Variants in CSMD1 observed in about 807,000 individuals in gnomAD.
CSMD1 encodes the protein CUB and Sushi multiple domains 1, also known as CUB and sushi domain-containing protein 1.
A neutral mutation model predicts 417.5 loss-of-function variants in CSMD1; 213 were observed. That is an observed-to-expected ratio of 0.51 (90% CI 0.46 to 0.57). The LOEUF (loss-of-function observed/expected upper bound fraction) is 0.57, where lower values mean the gene tolerates loss of function less well. Among genes scored for constraint, CSMD1 ranks in the 20% least tolerant of loss-of-function variants. The pLI is 0.00. For missense variants in CSMD1, 6,923 were observed against 4,529.7 expected (o/e 1.53, Z -15.17); for synonymous variants, 2,862 against 1,736.8 (o/e 1.65, Z -16.11).
At chr8:4,187,111 T>C (rs770236293) in intron 3 of CSMD1, among the ~76,000 whole-genome samples, 1 of 151,826 alleles carries the variant, frequency 6.6e-6, no homozygotes, top group Non-Finnish European at 1.5e-5. Flanking sequence ...TTCTGAAGAA[T>C]TTCACCAAGT....
At chr8:3,189,100 A>G (rs1232884679) in intron 34 of CSMD1, 89 bp from the exon 35 acceptor site, 2 of 1,263,182 alleles carry the variant, frequency 1.6e-6, no homozygotes, top group Non-Finnish European at 2.2e-6. Flanking sequence ...GTGACCACAC[A>G]GTAAGAGAAA....
chr8:3,379,987 C>G (rs771303631), intron 18 of CSMD1, among the ~76,000 whole-genome samples: 70 of 152,128 alleles, frequency 4.6e-4, no homozygotes, highest in Non-Finnish European at 8.2e-4. Flanking sequence ...ATTTTGCAAT[C>G]TATCCATCTG....
chr8:4,898,845 G>T (rs1466962963), intron 1 of CSMD1, among the ~76,000 whole-genome samples: 2 of 152,124 alleles, frequency 1.3e-5, no homozygotes, highest in East Asian at 1.9e-4. Context: ...GGACAGAAAT[G>T]ACAGTGTGGT....
chr8:4,867,802 A>T (rs923333212), intron 1 of CSMD1, among the ~76,000 whole-genome samples: 5 of 152,118 alleles, frequency 3.3e-5, no homozygotes, highest in Middle Eastern at 3.2e-3. Flanking sequence ...TAATAAATAC[A>T]TTCATTTTAC....
At chr8:3,139,315 G>A (rs893844784) in intron 41 of CSMD1, among the ~76,000 whole-genome samples, 2 of 152,148 alleles carry the variant, frequency 1.3e-5, no homozygotes, top group Non-Finnish European at 1.5e-5. Context: ...CTCCTATATA[G>A]CTAAAGTCAG....
intron 7 of CSMD1, among the ~76,000 whole-genome samples, chr8:3,691,527 G>T (rs1236372674): frequency 1.3e-5 from 2 of 152,154 alleles, no homozygotes; most frequent in African/African-American, 4.8e-5. Flanking sequence ...AGCCAAGGAG[G>T]AAGCTCAGGA....
At chr8:4,202,477 T>C (rs1799716723) in intron 3 of CSMD1, among the ~76,000 whole-genome samples, 1 of 152,222 alleles carries the variant, frequency 6.6e-6, no homozygotes, top group Admixed American at 6.5e-5. Flanking sequence ...TTAACTAAGT[T>C]TTAAACTAGG....
rs191445337 is a variant in CSMD1, at chr8:4,048,738, T to C, written c.416-16639A>G. 2.0e-5 allele frequency among the ~76,000 whole-genome samples: 3 copies of C among 152,330 alleles called. No homozygotes were observed. In the East Asian group the frequency reaches 5.8e-4, roughly 29 times the overall value. On this transcript the variant is annotated intron_variant, in intron 3 of 69. Transcript: ENST00000635120. ...TTATTAATACATACATGTATATCTA[T>C]AGAACTATATAAAATGCAAAGCTGT...
intron 1 of CSMD1, among the ~76,000 whole-genome samples, chr8:4,868,678 A>G (rs1405262829): frequency 1.3e-5 from 2 of 152,098 alleles, no homozygotes; most frequent in Non-Finnish European, 2.9e-5. Context: ...TAAAAACACA[A>G]CTAACAGTAT....
chr8:3,447,557 T>C (rs1394086722), intron 12 of CSMD1, among the ~76,000 whole-genome samples: 1 of 152,192 alleles, frequency 6.6e-6, no homozygotes, highest in Non-Finnish European at 1.5e-5. Flanking sequence ...GAACCACTGT[T>C]CACAGAGGGC....
chr8:4,154,467 G>T (rs1288674515), intron 3 of CSMD1, among the ~76,000 whole-genome samples: 2 of 152,120 alleles, frequency 1.3e-5, no homozygotes, highest in African/African-American at 2.4e-5. Flanking sequence ...GGGTATCTGT[G>T]GAAGGAGAAT....
intron 49 of CSMD1, among the ~76,000 whole-genome samples, chr8:3,080,827 TG>T (rs1814037166): frequency 6.6e-6 from 1 of 152,222 alleles, no homozygotes; most frequent in African/African-American, 2.4e-5. Flanking sequence ...CAGGGCTCCC[TG>T]GCCTTTTGGG....
chr8:4,481,549 T>C (rs1055943025), intron 2 of CSMD1, among the ~76,000 whole-genome samples: 3 of 152,188 alleles, frequency 2.0e-5, no homozygotes, highest in African/African-American at 7.2e-5. Flanking sequence ...TAACCTGTTT[T>C]TATTTGGTGA....
intron 6 of CSMD1, among the ~76,000 whole-genome samples, chr8:3,740,731 T>G (rs1002333624): frequency 6.6e-6 from 1 of 152,150 alleles, no homozygotes; most frequent in East Asian, 1.9e-4. Flanking sequence ...TCTAAAAGAC[T>G]TGGTACCTAG....
chr8:4,669,455 A>C (rs1241783678), intron 1 of CSMD1, among the ~76,000 whole-genome samples: 1 of 152,168 alleles, frequency 6.6e-6, no homozygotes, highest in African/African-American at 2.4e-5. Flanking sequence ...AGGAACAACT[A>C]CTTGGAACTC....
rs528626686 is a variant in CSMD1 at position 4,900,884 on chromosome 8, C to T, written c.85+93448G>A. 1.2e-4 allele frequency among the ~76,000 whole-genome samples: 18 copies of T among 152,284 alleles called. No individual in the cohort carries two copies. The South Asian group carries it at 3.1e-3, about 26-fold the overall frequency. ...ACTTCCTTCAGTCGAGCACAGTCAC[C>T]GTAAGGGCAGGTGCACCACTAGTTA... On this transcript the variant is annotated intron_variant, in intron 1 of 69. Transcript: ENST00000635120.
At chr8:3,509,314 G>C (rs748481492) in intron 10 of CSMD1, among the ~76,000 whole-genome samples, 3 of 152,170 alleles carry the variant, frequency 2.0e-5, no homozygotes, top group Admixed American at 6.5e-5. Flanking sequence ...CCCACCCATA[G>C]TTATAGTAAA....
At chr8:3,603,294 T>C (rs1012661471) in intron 8 of CSMD1, among the ~76,000 whole-genome samples, 1 of 152,022 alleles carries the variant, frequency 6.6e-6, no homozygotes, top group Non-Finnish European at 1.5e-5. Flanking sequence ...TGCCTTCAGT[T>C]ACAGGCATAG....
At chr8:3,207,811 ACTCTAAAACACTT>A (rs1179996222) in intron 30 of CSMD1, among the ~76,000 whole-genome samples, 13 of 152,216 alleles carry the variant, frequency 8.5e-5, no homozygotes, top group Middle Eastern at 3.4e-3. Flanking sequence ...TCATGTTATC[ACTCTAAAACACTT>A]CTCTAAAACA....
Sources: gnomAD v4.1 joint callset for allele counts (sites outside exome capture counted in the v4.1 genomes callset) on GRCh38, gnomAD v4.1.1 for gene constraint, MANE v1.5 for transcripts, NCBI Gene and HGNC (gene_info 2026-07-23, HGNC 2026-07-21) for gene names.